The following GRIN1 variants were observed in gnomAD, a reference collection of about 807,000 sequenced individuals.
GRIN1 encodes the protein glutamate ionotropic receptor NMDA type subunit 1.
A neutral mutation model predicts 103.0 loss-of-function variants in GRIN1; 38 were observed. The observed-to-expected ratio is 0.37, with a 90% CI of 0.28 to 0.48. The LOEUF is 0.48. Among genes scored for constraint, GRIN1 ranks in the 20% least tolerant of loss-of-function variants. The pLI is 0.98. For synonymous variants in GRIN1, 544 were observed against 532.7 expected, an observed-to-expected ratio of 1.02 and a Z score of -0.29; for missense variants, 577 against 1,288.9, an observed-to-expected ratio of 0.45 and a Z score of 8.46.
At chr9:137,145,481 G>T (rs1201613761) in intron 2 of GRIN1, among the ~76,000 whole-genome samples, 33 of 127,242 alleles carry the variant, frequency 2.6e-4, no homozygotes, top group East Asian at 2.2e-3. Flanking sequence ...GTCCCCAGCG[G>T]GGTGGGGACA....
Position 137,161,275 on chromosome 9 carries a change from C to A in GRIN1, c.1340-14C>A, listed in dbSNP as rs759138836. 1 of 1,611,628 alleles carries A rather than the reference C, an allele frequency of 6.2e-7. No homozygotes were observed. Among genetic ancestry groups the A allele is most frequent in the South Asian group, 1.1e-5 (1 of 91,078 alleles). ...CGGTCTGGAGCCCAGCAGTTACCGC[C>A]CGCACCTACCCAGCCCGCCACACGG... On this transcript the variant is annotated splice_polypyrimidine_tract_variant and intron_variant, in intron 9 of 19. Coordinates refer to ENST00000371561, the MANE Select transcript of GRIN1 (RefSeq NM_007327.4).
chr9:137,140,447 C>T (rs1391266473), intron 1 of GRIN1, among the ~76,000 whole-genome samples: 1 of 152,264 alleles, frequency 6.6e-6, no homozygotes, highest in African/African-American at 2.4e-5. Context: ...CAGCCTAGCA[C>T]CGCTCACACG....
rs779906300 is a variant in GRIN1, at chr9:137,161,941, G to C, written c.1485G>C (p.Lys495Asn). The C allele has an allele frequency of 1.9e-6, 3 of 1,564,248 alleles. No individual in the cohort carries two copies. In the African/African-American group the frequency reaches 4.1e-5, roughly 21 times the overall value. Residue 495 changes from lysine (K) to asparagine (N), a missense_variant, in exon 11 of 20, where the codon AAG (lysine) becomes AAC (asparagine). Physicochemically the swap from Lys to Asn is moderately conservative, Grantham distance 94. Coordinates refer to ENST00000371561, the MANE Select transcript of GRIN1 (RefSeq NM_007327.4). Reference sequence around the variant, plus strand: ...CCTCGCAGGTGAACAACAGCAACAAGAAGGAGTGGAATGGGATGATGGGCG... The same window carrying C: ...CCTCGCAGGTGAACAACAGCAACAACAAGGAGTGGAATGGGATGATGGGCG... ...GTQERVNNSN[K>N]KEWNGMMGEL...
At chr9:137,152,593 T>C (rs1052628876) in intron 4 of GRIN1, among the ~76,000 whole-genome samples, 8 of 152,016 alleles carry the variant, frequency 5.3e-5, no homozygotes, top group Non-Finnish European at 8.8e-5. Flanking sequence ...CTTTTTTTTC[T>C]CGGCCTGTGA....
chr9:137,161,858 G>T, intron 10 of GRIN1, 66 bp from the exon 11 acceptor site: 1 of 1,514,952 alleles, frequency 6.6e-7, no homozygotes, highest in South Asian at 1.2e-5. Flanking sequence ...GGCTTCAGTC[G>T]GGGGTACCTG....
At position 137,145,821 on chromosome 9, in the gene GRIN1, C is replaced by T; in HGVS notation, c.489C>T (p.Ile163=). Residue 163 remains isoleucine, a synonymous_variant, in exon 3 of 20, where the codon ATC becomes ATT. Coordinates refer to ENST00000371561, the MANE Select transcript of GRIN1 (RefSeq NM_007327.4). ...EMMRVYSWNH[I]ILLVSDDHEG... is the part of the protein sequence containing the mutation. Reference sequence around the variant, plus strand: ...TGCGTGTCTACAGCTGGAACCACATCATCCTGCTGGTCAGCGACGACCACG... The same window carrying T: ...TGCGTGTCTACAGCTGGAACCACATTATCCTGCTGGTCAGCGACGACCACG... 2 of 1,612,984 alleles carry T rather than the reference C, an allele frequency of 1.2e-6. No individual in the cohort carries two copies. Among genetic ancestry groups the T allele is most frequent in the South Asian group, 2.2e-5 (2 of 90,974 alleles).
At chr9:137,148,279 C>A in intron 3 of GRIN1, 1 of 1,077,534 alleles carries the variant, frequency 9.3e-7, no homozygotes, top group Non-Finnish European at 1.4e-6. Context: ...GCCTCGGCCA[C>A]TAGGGCCACT....
rs1442659729 is a variant in GRIN1, at chr9:137,141,997, T to C, written c.259-16T>C. On this transcript the variant is annotated splice_polypyrimidine_tract_variant and intron_variant, in intron 1 of 19. Transcript: ENST00000371561. Reference sequence around the variant, plus strand: ...TCACCCCTGACTCAAGCTGATCATGTCTCCTGTGTCCACAGGTCTACGCCA... The same window carrying C: ...TCACCCCTGACTCAAGCTGATCATGCCTCCTGTGTCCACAGGTCTACGCCA... The C allele has an allele frequency of 1.9e-6, 3 of 1,613,826 alleles. No homozygotes were observed. The highest frequency in any genetic ancestry group is 1.3e-5 in the African/African-American group (1 of 74,868).
At chr9:137,152,498 G>A (rs983282142) in intron 4 of GRIN1, among the ~76,000 whole-genome samples, 1 of 152,286 alleles carries the variant, frequency 6.6e-6, no homozygotes, top group East Asian at 1.9e-4. Context: ...AACAGGACAC[G>A]GGAGAGAAAA....
Position 137,156,951 on chromosome 9 carries a change from G to A in GRIN1, c.882G>A (p.Glu294=). 6.2e-7 allele frequency: 1 copy of A among 1,612,168 alleles called. No individual in the cohort carries two copies. The highest frequency in any genetic ancestry group is 8.5e-7 in the Non-Finnish European group (1 of 1,179,816). Residue 294 remains glutamate (E), a synonymous_variant, in exon 6 of 20, where the codon GAG becomes GAA. Coordinates refer to ENST00000371561, the MANE Select transcript of GRIN1 (RefSeq NM_007327.4). The part of the protein sequence containing the change: ...AVGVVAQAVH[E]LLEKENITDP... ...GCGTGGTGGCCCAGGCCGTGCACGA[G>A]CTCCTCGAGAAGGAGAACATCACCG...
chr9:137,167,821 C>T lies in GRIN1; in HGVS notation c.*294C>T. ...CGGGCCCGCTCAACCTCTCAGATCC[C>T]TCGGTCAGCACCGTGGTGTGAGGCC... On this transcript the variant is annotated 3_prime_UTR_variant, in exon 20 of 20. Transcript: ENST00000371561. 6.2e-7 allele frequency: 1 copy of T among 1,612,260 alleles called. No individual in the cohort carries two copies. The highest frequency in any genetic ancestry group is 8.5e-7 in the Non-Finnish European group (1 of 1,179,646).
chr9:137,161,635 G>C (rs1833550208), intron 10 of GRIN1, among the ~76,000 whole-genome samples: 1 of 113,944 alleles, frequency 8.8e-6, no homozygotes, highest in South Asian at 2.7e-4. Flanking sequence ...GGAGGGGCCT[G>C]ACGTGGGGGT....
chr9:137,161,544 G>A, intron 10 of GRIN1, 128 bp downstream of exon 10: 1 of 903,180 alleles, frequency 1.1e-6, no homozygotes. Context: ...GGCATGGAGT[G>A]AGCGGAGCCT....
At chr9:137,141,197 G>A (rs1482747150) in intron 1 of GRIN1, among the ~76,000 whole-genome samples, 7 of 152,210 alleles carry the variant, frequency 4.6e-5, no homozygotes, top group South Asian at 2.1e-4. Context: ...TGCAGTGCAC[G>A]CCCCCATTCG....
chr9:137,162,369 C>T (rs1361485369), intron 12 of GRIN1, 35 bp from the exon 13 acceptor site: 1 of 1,555,562 alleles, frequency 6.4e-7, no homozygotes, highest in Admixed American at 1.8e-5. Context: ...CCGCCTCTCC[C>T]GCCCTCTCTC....
At position 137,161,995 on chromosome 9, in the gene GRIN1, C is replaced by T; in HGVS notation, c.1539C>T (p.Ile513=). 6.4e-7 allele frequency: 1 copy of T among 1,559,228 alleles called. No individual in the cohort carries two copies. The highest frequency in any genetic ancestry group is 8.7e-7 in the Non-Finnish European group (1 of 1,151,748). The change falls in exon 11 of 20, where the codon ATC becomes ATT. Residue 513 remains isoleucine (I), a synonymous_variant. Transcript: ENST00000371561. ...TGCTCAGCGGGCAGGCAGACATGAT[C>T]GTGGCGCCGCTAACCATAAACAACG... The part of the protein sequence containing the change: ...GELLSGQADM[I]VAPLTINNER...
chr9:137,143,102 G>A (rs752306506), intron 2 of GRIN1, among the ~76,000 whole-genome samples: 7 of 152,364 alleles, frequency 4.6e-5, no homozygotes, highest in African/African-American at 1.7e-4. Flanking sequence ...CACTTGGCAG[G>A]GGACATCCAG....
intron 1 of GRIN1, among the ~76,000 whole-genome samples, chr9:137,140,916 C>A (rs975032569): frequency 1.3e-5 from 2 of 152,210 alleles, no homozygotes; most frequent in African/African-American, 4.8e-5. Context: ...TCACAAGCCA[C>A]CCCCGTGCCC....
chr9:137,157,808 C>T (rs866454921), intron 6 of GRIN1, among the ~76,000 whole-genome samples: 7 of 152,280 alleles, frequency 4.6e-5, no homozygotes, highest in South Asian at 2.1e-4. Flanking sequence ...TGCACACACA[C>T]GACACACATA....
Sources: allele counts gnomAD v4.1 joint callset (sites outside exome capture counted in the v4.1 genomes callset), GRCh38; gene constraint gnomAD v4.1.1; transcripts MANE v1.5; gene names NCBI Gene and HGNC (gene_info 2026-07-23, HGNC 2026-07-21).